The following CDK5RAP2 variants were observed in gnomAD, a reference collection of about 807,000 sequenced individuals.
CDK5RAP2 encodes CDK5 regulatory subunit associated protein 2.
CDK5RAP2 carries 147 observed loss-of-function variants against 232.9 expected under a neutral mutation model. The ratio of observed to expected loss-of-function variants is 0.63; its 90% CI spans 0.55 to 0.72. The LOEUF (loss-of-function observed/expected upper bound fraction) is 0.72, where lower values mean the gene tolerates loss of function less well. Ranked by LOEUF, CDK5RAP2 falls within the 30% of genes least tolerant of loss-of-function variation. The pLI is 0.00. For synonymous variants in CDK5RAP2, 833 were observed against 833.7 expected, an observed-to-expected ratio of 1.00 and a Z score of 0.01; for missense variants, 2,195 against 2,231.5, an observed-to-expected ratio of 0.98 and a Z score of 0.33.
intron 13 of CDK5RAP2, among the ~76,000 whole-genome samples, chr9:120,488,957 C>T (rs1331106567): frequency 6.6e-6 from 1 of 152,236 alleles, no homozygotes; most frequent in Non-Finnish European, 1.5e-5. Context: ...ATGTCTCTCT[C>T]TTTCGGTTAT....
chr9:120,507,567 T>C (rs2039871282), intron 12 of CDK5RAP2, among the ~76,000 whole-genome samples: 1 of 152,090 alleles, frequency 6.6e-6, no homozygotes, highest in Non-Finnish European at 1.5e-5. Flanking sequence ...CTCTAGAAAT[T>C]GACTCAGTAG....
rs774273934 is a variant in CDK5RAP2 at position 120,530,091 on chromosome 9, G to C, written c.712C>G (p.Gln238Glu). Residue 238 changes from glutamine to glutamate, a missense_variant, in exon 8 of 38, where the codon CAG (glutamine) becomes GAG (glutamate). Gln to Glu is a conservative substitution (Grantham distance 29, BLOSUM62 2). Coordinates refer to ENST00000349780, the MANE Select transcript of CDK5RAP2 (RefSeq NM_018249.6). ...LSLKSKEALI[Q>E]CLKEEKSQMA... ...TGAGATTTCTCCTCTTTAAGGCACTGAATTAAAGCTTCTTTGCTCTTCAAA... is the reference window on the plus strand; with the variant it reads ...TGAGATTTCTCCTCTTTAAGGCACTCAATTAAAGCTTCTTTGCTCTTCAAA... The C allele has an allele frequency of 2.5e-6, 4 of 1,613,856 alleles. No homozygotes were observed. Among genetic ancestry groups the C allele is most frequent in the Non-Finnish European group, 3.4e-6 (4 of 1,179,844 alleles).
intron 14 of CDK5RAP2, among the ~76,000 whole-genome samples, chr9:120,482,942 A>G (rs1360929729): frequency 6.6e-6 from 1 of 152,176 alleles, no homozygotes; most frequent in Non-Finnish European, 1.5e-5. Context: ...ATGCCCCATT[A>G]GAATGAAGTC....
At chr9:120,552,586 C>T (rs188963865) in intron 3 of CDK5RAP2, among the ~76,000 whole-genome samples, 4 of 151,008 alleles carry the variant, frequency 2.6e-5, no homozygotes, top group Non-Finnish European at 2.9e-5. Context: ...AGCAAACTAT[C>T]GCAAGGATAA....
At chr9:120,483,414 G>C (rs1479276988) in intron 14 of CDK5RAP2, among the ~76,000 whole-genome samples, 3 of 152,210 alleles carry the variant, frequency 2.0e-5, no homozygotes, top group Admixed American at 2.0e-4. Flanking sequence ...GTCAACGACA[G>C]AGCCCTAGAG....
chr9:120,524,865 C>T (rs1231318651), intron 11 of CDK5RAP2, 121 bp downstream of exon 11: 2 of 722,124 alleles, frequency 2.8e-6, no homozygotes, highest in Non-Finnish European at 5.0e-6. Context: ...CAAATTCTAT[C>T]ACTGAAGACC....
intron 20 of CDK5RAP2, among the ~76,000 whole-genome samples, chr9:120,454,454 ACT>A (rs1411726829): frequency 2.0e-5 from 3 of 152,194 alleles, no homozygotes; most frequent in African/African-American, 7.2e-5. Context: ...TCATATTCTA[ACT>A]CTACAATTCT....
chr9:120,517,884 A>AGG, intron 12 of CDK5RAP2: 1 of 362,606 alleles, frequency 2.8e-6, no homozygotes, highest in South Asian at 2.2e-5. Flanking sequence ...ACAGAGTGAG[A>AGG]CCCTGTCTCA....
chr9:120,408,391 A>G lies in CDK5RAP2; in HGVS notation c.4682T>C (p.Leu1561Pro). ...TTCATCCAGCTTCTCATACGCCTTC[A>G]GCTCCACTCGGAGAGACTGCAATAG... ...DKLLQSLRVE[L>P]KAYEKLDEEH... The change falls in exon 31 of 38, where the codon CTG becomes CCG. Residue 1561 changes from leucine (L) to proline (P), a missense_variant. Physicochemically the swap from Leu to Pro is moderately conservative, Grantham distance 98. Coordinates refer to ENST00000349780, the MANE Select transcript of CDK5RAP2 (RefSeq NM_018249.6). The G allele has an allele frequency of 6.2e-7, 1 of 1,614,160 alleles. No homozygotes were observed. The highest frequency in any genetic ancestry group is 8.5e-7 in the Non-Finnish European group (1 of 1,180,020).
chr9:120,438,562 G>A (rs1460393955), intron 24 of CDK5RAP2, among the ~76,000 whole-genome samples: 1 of 152,300 alleles, frequency 6.6e-6, no homozygotes, highest in Admixed American at 6.5e-5. Context: ...CCAGCTCTGT[G>A]AATGTTCTCT....
At chr9:120,447,606 A>C (rs948059887) in intron 22 of CDK5RAP2, among the ~76,000 whole-genome samples, 4 of 152,226 alleles carry the variant, frequency 2.6e-5, no homozygotes, top group Admixed American at 2.0e-4. Flanking sequence ...GCCAAACACA[A>C]CTGGGGCATC....
intron 32 of CDK5RAP2, chr9:120,406,168 A>G (rs750113423): frequency 6.6e-6 from 1 of 152,236 alleles, no homozygotes. Flanking sequence ...GAGGTATCCA[A>G]GTAAAAGTCA....
chr9:120,449,217 C>T (rs2036360044), intron 21 of CDK5RAP2, among the ~76,000 whole-genome samples: 1 of 152,186 alleles, frequency 6.6e-6, no homozygotes, highest in South Asian at 2.1e-4. Flanking sequence ...TTGCCCAGAA[C>T]ACTTACTCCT....
intron 24 of CDK5RAP2, among the ~76,000 whole-genome samples, chr9:120,438,515 G>A (rs2035716352): frequency 6.6e-6 from 1 of 152,180 alleles, no homozygotes; most frequent in South Asian, 2.1e-4. Flanking sequence ...GTACTGGAGT[G>A]GGATGATGTG....
At chr9:120,461,601 G>A (rs961154727) in intron 18 of CDK5RAP2, among the ~76,000 whole-genome samples, 18 of 152,156 alleles carry the variant, frequency 1.2e-4, no homozygotes, top group African/African-American at 4.1e-4. Context: ...AGCACTTTGG[G>A]AGCCCTAGGC....
intron 2 of CDK5RAP2, among the ~76,000 whole-genome samples, chr9:120,569,057 C>T (rs565661667): frequency 3.9e-5 from 6 of 152,314 alleles, no homozygotes; most frequent in African/African-American, 1.4e-4. Context: ...CCCCATCCTG[C>T]ATGCTGAGGA....
intron 12 of CDK5RAP2, among the ~76,000 whole-genome samples, chr9:120,506,190 A>T (rs2039802904): frequency 6.6e-6 from 1 of 152,184 alleles, no homozygotes; most frequent in Non-Finnish European, 1.5e-5. Context: ...ACTCCTTAAA[A>T]ATTATGCAAA....
At chr9:120,432,037 C>T (rs747696984) in intron 25 of CDK5RAP2, among the ~76,000 whole-genome samples, 2 of 152,152 alleles carry the variant, frequency 1.3e-5, no homozygotes, top group Non-Finnish European at 2.9e-5. Context: ...TAAGAAACAA[C>T]GCTACCATCC....
intron 18 of CDK5RAP2, among the ~76,000 whole-genome samples, chr9:120,463,772 T>G (rs1190330586): frequency 1.3e-5 from 2 of 152,358 alleles, no homozygotes; most frequent in East Asian, 3.9e-4. Flanking sequence ...TCTTTACCTC[T>G]GCTGACGTGG....
Sources: allele counts gnomAD v4.1 joint callset (sites outside exome capture counted in the v4.1 genomes callset), GRCh38; gene constraint gnomAD v4.1.1; transcripts MANE v1.5; gene names NCBI Gene and HGNC (gene_info 2026-07-23, HGNC 2026-07-21).